Variants in CNNM2 observed in about 807,000 individuals in gnomAD.
CNNM2 encodes the protein metal transporter CNNM2.
In CNNM2, 12 loss-of-function variants were observed where a neutral mutation model predicts 66.9. That is an observed-to-expected ratio of 0.18 (90% CI 0.11 to 0.29). The LOEUF is 0.29. Among genes scored for constraint, CNNM2 ranks in the 10% least tolerant of loss-of-function variants. CNNM2 has a pLI of 1.00. For missense variants in CNNM2, 705 were observed against 1,167.7 expected (o/e 0.60, Z 5.77); for synonymous variants, 557 against 501.8 (o/e 1.11, Z -1.47).
At position 102,918,583 on chromosome 10, in the gene CNNM2, G is replaced by C. The variant is rs1206492356; in HGVS notation, c.103G>C (p.Ala35Pro). 1 of 1,572,990 alleles carries C rather than the reference G, an allele frequency of 6.4e-7. No individual in the cohort carries two copies. Among genetic ancestry groups the C allele is most frequent in the Admixed American group, 1.9e-5 (1 of 54,046 alleles). ...WKMAARRSLS[A>P]RGRGILQAAA... ...GATGGCGGCGCGCCGCAGCCTCAGC[G>C]CTCGCGGCCGGGGGATCCTGCAGGC... The change falls in exon 1 of 8, where the codon GCT becomes CCT. Residue 35 changes from alanine (A) to proline (P), a missense_variant. By Grantham distance (27) the Ala-to-Pro change is conservative. Transcript: ENST00000369878. This position sits in a 1 kb window ranked among gnomAD's most constrained non-coding sequence, Gnocchi z 4.1.
intron 4 of CNNM2, among the ~76,000 whole-genome samples, chr10:103,064,351 C>G (rs2065439163): frequency 6.6e-6 from 1 of 152,074 alleles, no homozygotes; most frequent in Non-Finnish European, 1.5e-5. Context: ...GGTTAAATGT[C>G]TGGTCTTTTA....
chr10:103,076,911 C>G, intron 7 of CNNM2, 60 bp from the exon 8 acceptor site: 1 of 1,482,388 alleles, frequency 6.7e-7, no homozygotes, highest in South Asian at 1.1e-5. Context: ...GTGTGGAGAT[C>G]AGAGAACCTA....
chr10:102,925,502 C>G (rs1231065011), intron 1 of CNNM2, among the ~76,000 whole-genome samples: 3 of 151,856 alleles, frequency 2.0e-5, no homozygotes, highest in Non-Finnish European at 4.4e-5. Flanking sequence ...AAAGTAAACC[C>G]TGAGAAAGAG....
At chr10:103,038,449 G>A (rs1247959027) in intron 1 of CNNM2, among the ~76,000 whole-genome samples, 1 of 152,128 alleles carries the variant, frequency 6.6e-6, no homozygotes, top group African/African-American at 2.4e-5. Context: ...CTTTTAGAGG[G>A]TGACCACCTC....
In CNNM2 at chr10:102,932,384, G is replaced by A. The variant is rs138500688; in HGVS notation, c.1621+12283G>A. 1.5e-3 allele frequency among the ~76,000 whole-genome samples: 230 copies of A among 152,012 alleles called. 1 individual carries two copies. The highest frequency in any genetic ancestry group is 5.4e-3 in the African/African-American group (223 of 41,460). On this transcript the variant is annotated intron_variant, in intron 1 of 7. Transcript: ENST00000369878. ...TTCTTTTGTTGCTTATGCTTTTGGT[G>A]TCATAGCTAAGAAACCATTGCCTAA...
intron 1 of CNNM2, among the ~76,000 whole-genome samples, chr10:103,028,814 C>CTTTTT (rs67846722): frequency 8.2e-4 from 103 of 126,100 alleles, no homozygotes; most frequent in Non-Finnish European, 1.0e-3. Flanking sequence ...TTTTCTTTTT[C>CTTTTT]TTTTTTTTTT....
intron 1 of CNNM2, among the ~76,000 whole-genome samples, chr10:102,980,122 GCAGGCTGGTCT>G (rs2063696919): frequency 6.6e-6 from 1 of 151,936 alleles, no homozygotes; most frequent in African/African-American, 2.4e-5. Flanking sequence ...CGCCATGTTG[GCAGGCTGGTCT>G]CAGACGCCAT....
At chr10:102,974,564 T>C (rs555467340) in intron 1 of CNNM2, among the ~76,000 whole-genome samples, 313 of 152,020 alleles carry the variant, frequency 2.1e-3, no homozygotes, top group Non-Finnish European at 3.8e-3. Flanking sequence ...TTGGGGGAGA[T>C]GATAATCCTA....
chr10:102,942,627 T>A (rs1846470649), intron 1 of CNNM2, among the ~76,000 whole-genome samples: 1 of 152,248 alleles, frequency 6.6e-6, no homozygotes, highest in African/African-American at 2.4e-5. Flanking sequence ...AACATGGGTG[T>A]GAAAACATCT....
intron 1 of CNNM2, among the ~76,000 whole-genome samples, chr10:103,004,810 A>C (rs1350822452): frequency 6.6e-6 from 1 of 152,054 alleles, no homozygotes. Flanking sequence ...CTTTTCTTGG[A>C]CCTTTTGTGT....
chr10:103,017,448 G>C (rs2064476592), intron 1 of CNNM2, among the ~76,000 whole-genome samples: 1 of 152,134 alleles, frequency 6.6e-6, no homozygotes, highest in Admixed American at 6.5e-5. Context: ...CTGGCAGGTG[G>C]TATGTATGGC....
At chr10:102,976,979 T>C (rs1564828473) in intron 1 of CNNM2, among the ~76,000 whole-genome samples, 2 of 152,222 alleles carry the variant, frequency 1.3e-5, no homozygotes, top group East Asian at 3.8e-4. Context: ...GCAGCTTGAC[T>C]ATTAACACTT....
chr10:102,957,196 T>C (rs943847522), intron 1 of CNNM2, among the ~76,000 whole-genome samples: 3 of 152,118 alleles, frequency 2.0e-5, no homozygotes, highest in Non-Finnish European at 4.4e-5. Context: ...TCCCAGCTAC[T>C]TGGGAGGCTG....
At chr10:103,046,269 T>C (rs767986904) in intron 1 of CNNM2, among the ~76,000 whole-genome samples, 3 of 152,242 alleles carry the variant, frequency 2.0e-5, no homozygotes, top group Non-Finnish European at 2.9e-5. Flanking sequence ...AATCCAGAAC[T>C]GTTCGACTCA....
rs907176308 is a variant in CNNM2, at chr10:103,023,617, G to T, written c.1622-26090G>T. 3.3e-5 allele frequency among the ~76,000 whole-genome samples: 5 copies of T among 152,032 alleles called. No homozygotes were observed. In the East Asian group the frequency reaches 9.7e-4, roughly 29 times the overall value. Reference sequence around the variant, plus strand: ...TGAATAGCACTAAGCCATTCATGAGGAGTCCACCCCCATGATCCAGTACCT... The same window carrying T: ...TGAATAGCACTAAGCCATTCATGAGTAGTCCACCCCCATGATCCAGTACCT... On this transcript the variant is annotated intron_variant, in intron 1 of 7. Coordinates refer to ENST00000369878, the MANE Select transcript of CNNM2 (RefSeq NM_017649.5).
At chr10:103,002,458 T>C (rs1237759691) in intron 1 of CNNM2, among the ~76,000 whole-genome samples, 1 of 150,892 alleles carries the variant, frequency 6.6e-6, no homozygotes, top group African/African-American at 2.4e-5. Flanking sequence ...CTGGCGAGGA[T>C]GTGGCTGACA....
rs71019651 is a variant in CNNM2 at position 103,034,972 on chromosome 10, C to CAA, written c.1622-14718_1622-14717dup. ...TGGGCGACAGAGCGAGACTCCGTCT[C>CAA]AAAAAAAAAAAAAAAAAATCTCCTA... is the stretch of plus-strand genomic sequence containing the variant. On this transcript the variant is annotated intron_variant, in intron 1 of 7. Transcript: ENST00000369878. 2.9e-3 allele frequency among the ~76,000 whole-genome samples: 208 copies of CAA among 71,094 alleles called. 18 individuals are homozygous for CAA. In the Middle Eastern group the frequency reaches 0.034, roughly 12 times the overall value. The allele number at this position is 71,094 out of a possible 152,430, so 46.6% of individuals were successfully genotyped here. A position where few individuals can be genotyped will look rare whatever the true frequency, so the allele number is the denominator to read the frequency against.
intron 1 of CNNM2, among the ~76,000 whole-genome samples, chr10:103,012,241 T>C (rs1035598188): frequency 1.3e-5 from 2 of 152,358 alleles, no homozygotes; most frequent in Non-Finnish European, 2.9e-5. Context: ...GCAATTTTTG[T>C]AGATTTGGCC....
intron 1 of CNNM2, among the ~76,000 whole-genome samples, chr10:102,986,950 A>C (rs1279160131): frequency 6.6e-6 from 1 of 152,114 alleles, no homozygotes; most frequent in Non-Finnish European, 1.5e-5. Flanking sequence ...TTCAAGTATA[A>C]ATTTCAGTAG....
Sources: gnomAD v4.1 joint callset for allele counts (sites outside exome capture counted in the v4.1 genomes callset) on GRCh38, gnomAD v4.1.1 for gene constraint, Gnocchi (gnomAD v3.1) non-coding constraint, MANE v1.5 for transcripts, NCBI Gene and HGNC (gene_info 2026-07-23, HGNC 2026-07-21) for gene names.